The following ATP2B4 variants were observed in gnomAD, a reference collection of about 807,000 sequenced individuals.
The protein encoded by ATP2B4 is ATPase plasma membrane Ca2+ transporting 4, also known as plasma membrane calcium-transporting ATPase 4.
Under a neutral mutation model 110.3 loss-of-function variants are expected in ATP2B4, and 39 were observed. The ratio of observed to expected loss-of-function variants is 0.35; its 90% CI spans 0.27 to 0.46. ATP2B4 has a LOEUF of 0.46. Ranked by LOEUF, ATP2B4 falls within the 20% of genes least tolerant of loss-of-function variation. The pLI is 1.00. For synonymous variants in ATP2B4, 538 were observed against 571.7 expected (o/e 0.94, Z 0.84); for missense variants, 1,135 against 1,530.9 (o/e 0.74, Z 4.32).
chr1:203,726,071 CAAAAAAA>C lies in ATP2B4; in HGVS notation c.3133-1312_3133-1306del, dbSNP rs58722256. 2.1e-3 allele frequency among the ~76,000 whole-genome samples: 194 copies of C among 93,228 alleles called. 1 individual carries two copies. Among genetic ancestry groups the C allele is most frequent in the Admixed American group, 3.3e-3 (30 of 8,968 alleles). 61.2% of individuals were successfully genotyped at this position (93,228 alleles called of 152,430 possible). A position where few individuals can be genotyped will look rare whatever the true frequency, so the allele number is the denominator to read the frequency against. On this transcript the variant is annotated intron_variant, in intron 19 of 20. Transcript: ENST00000357681. Reference sequence around the variant, plus strand: ...TGAAACCCTGTCTCTACTAAAAATACAAAAAAAAAAAAAAAAAATTGGCCGGGCATGG... The same window carrying C: ...TGAAACCCTGTCTCTACTAAAAATACAAAAAAAAAAATTGGCCGGGCATGG...
Position 203,722,564 on chromosome 1 carries a change from T to G in ATP2B4, c.2899T>G (p.Phe967Val). Residue 967 changes from phenylalanine to valine, a missense_variant, in exon 18 of 21, where the codon TTC becomes GTC. This residue lies in a region of ATP2B4 where 155 missense variants were observed against 186.2 expected (regional missense o/e 0.83). Transcript: ENST00000357681. ...SQHYTIVFNT[F>V]VLMQLFNEIN... ...GCACTATACCATTGTTTTTAACACC[T>G]TCGTGCTGATGCAGCTCTTCAATGA... The G allele has an allele frequency of 6.2e-7, 1 of 1,614,202 alleles. No homozygotes were observed.
intron 1 of ATP2B4, among the ~76,000 whole-genome samples, chr1:203,663,493 G>A (rs1057346603): frequency 2.0e-5 from 3 of 152,100 alleles, no homozygotes; most frequent in Non-Finnish European, 2.9e-5. Flanking sequence ...CCTCTGAGAG[G>A]AAGTAGGAGA....
chr1:203,635,038 A>C (rs1193840562), intron 1 of ATP2B4, among the ~76,000 whole-genome samples: 1 of 151,946 alleles, frequency 6.6e-6, no homozygotes, highest in African/African-American at 2.4e-5. Flanking sequence ...GCAATGCTGC[A>C]AACTCAGCTC....
chr1:203,739,500 C>A (rs1666951650), intron 20 of ATP2B4, 46 bp from the exon 21 acceptor site: 2 of 1,566,680 alleles, frequency 1.3e-6, no homozygotes, highest in Admixed American at 1.8e-5. Flanking sequence ...CCGGCCAATT[C>A]TCACCTCTCT....
At chr1:203,630,227 AGGTCCCGAGAGGAACGG>A (rs1663221388) in intron 1 of ATP2B4, among the ~76,000 whole-genome samples, 2 of 152,202 alleles carry the variant, frequency 1.3e-5, no homozygotes, top group South Asian at 4.2e-4. Flanking sequence ...CACTAACCGG[AGGTCCCGAGAGGAACGG>A]GGTCTGGGCT....
chr1:203,738,964 A>T (rs1666939538), intron 20 of ATP2B4, among the ~76,000 whole-genome samples: 1 of 152,198 alleles, frequency 6.6e-6, no homozygotes, highest in Admixed American at 6.5e-5. Context: ...ACACAAATGA[A>T]GATTGGTTTG....
chr1:203,676,608 A>G (rs1444899296), intron 1 of ATP2B4, among the ~76,000 whole-genome samples: 1 of 152,186 alleles, frequency 6.6e-6, no homozygotes, highest in African/African-American at 2.4e-5. Context: ...TGCACAGGAA[A>G]CAGCCCTGCT....
chr1:203,727,256 G>A, intron 19 of ATP2B4, 139 bp from the exon 20 acceptor site: 1 of 959,534 alleles, frequency 1.0e-6, no homozygotes, highest in East Asian at 2.6e-5. Flanking sequence ...ATGGATTGGT[G>A]CTTCTGCCCA....
At chr1:203,710,850 CCG>C in intron 11 of ATP2B4, 25 bp from the exon 12 acceptor site, 3 of 1,539,428 alleles carry the variant, frequency 1.9e-6, no homozygotes, top group Non-Finnish European at 2.7e-6. Flanking sequence ...AAGGGAGACA[CCG>C]CGTTCTTACT....
chr1:203,710,150 G>A (rs563921993), intron 11 of ATP2B4, among the ~76,000 whole-genome samples: 4 of 152,108 alleles, frequency 2.6e-5, no homozygotes, highest in African/African-American at 7.2e-5. Flanking sequence ...GGCAGAACAC[G>A]AGGTCAGGAG....
chr1:203,723,890 G>A lies in ATP2B4; in HGVS notation c.3034G>A (p.Val1012Met), dbSNP rs761974690. ...LGTFICQIFI[V>M]EFGGKPFSCT... ...CCTTTCTCTGTTCTAGATTTTCATC[G>A]TGGAATTTGGGGGTAAACCCTTCAG... Residue 1012 changes from valine (V) to methionine (M), a missense_variant, in exon 19 of 21, where the codon GTG becomes ATG. Physicochemically the swap from Val to Met is conservative, Grantham distance 21. Around this residue, in one of 9 missense-constraint regions of ATP2B4, gnomAD observed 155 missense variants for 186.2 expected, o/e 0.83. Coordinates refer to ENST00000357681, the MANE Select transcript of ATP2B4 (RefSeq NM_001684.5). The A allele has an allele frequency of 9.3e-6, 15 of 1,604,484 alleles. No individual in the cohort carries two copies. Among genetic ancestry groups the A allele is most frequent in the South Asian group, 3.4e-5 (3 of 89,368 alleles).
At chr1:203,677,629 A>G (rs1243066678) in intron 1 of ATP2B4, among the ~76,000 whole-genome samples, 7 of 151,816 alleles carry the variant, frequency 4.6e-5, no homozygotes, top group East Asian at 1.9e-4. Flanking sequence ...TGCCCAGCTA[A>G]TTTTTTCTGT....
In ATP2B4 at chr1:203,710,925, T is replaced by C. The variant is rs764269670; in HGVS notation, c.1848T>C (p.Asn616=). 1 of 1,614,038 alleles carries C rather than the reference T, an allele frequency of 6.2e-7. No homozygotes were observed. The highest frequency in any genetic ancestry group is 8.5e-7 in the Non-Finnish European group (1 of 1,179,988). Residue 616 remains asparagine (N), a synonymous_variant, in exon 12 of 21, where the codon AAT becomes AAC. Coordinates refer to ENST00000357681, the MANE Select transcript of ATP2B4 (RefSeq NM_001684.5). The part of the protein sequence containing the change: ...DRKGEAVPFK[N]KDRDDMVRTV... Reference sequence around the variant, plus strand: ...AAGGGGAAGCAGTGCCATTCAAGAATAAAGACAGAGATGATATGGTACGCA... The same window carrying C: ...AAGGGGAAGCAGTGCCATTCAAGAACAAAGACAGAGATGATATGGTACGCA...
chr1:203,635,728 T>TG (rs1402084849), intron 1 of ATP2B4, among the ~76,000 whole-genome samples: 2 of 152,104 alleles, frequency 1.3e-5, no homozygotes, highest in Non-Finnish European at 2.9e-5. Flanking sequence ...AGGTTTGAAA[T>TG]TTTTCCAAAT....
Position 203,711,040 on chromosome 1 carries a change from G to A in ATP2B4, c.1963G>A (p.Glu655Lys). The stretch of plus-strand genomic sequence containing the variant: ...TGACACAGAGCCCTCTTGGGACAAT[G>A]AGAATGAGATCCTCACCGAACTGAC... Reference protein sequence around the residue: ...FDDTEPSWDNENEILTELTCI... With the variant: ...FDDTEPSWDNKNEILTELTCI... Residue 655 changes from glutamate to lysine, a missense_variant, in exon 12 of 21, where the codon GAG (glutamate) becomes AAG (lysine). Glu to Lys is a moderately conservative substitution (Grantham distance 56). Around this residue, in one of 9 missense-constraint regions of ATP2B4, gnomAD observed 368 missense variants for 455.9 expected, o/e 0.81. Coordinates refer to ENST00000357681, the MANE Select transcript of ATP2B4 (RefSeq NM_001684.5). The A allele has an allele frequency of 6.2e-7, 1 of 1,614,142 alleles. No individual in the cohort carries two copies. The highest frequency in any genetic ancestry group is 8.5e-7 in the Non-Finnish European group (1 of 1,180,022).
At chr1:203,712,181 G>T in intron 13 of ATP2B4, 42 bp downstream of exon 13, 1 of 1,597,668 alleles carries the variant, frequency 6.3e-7, no homozygotes, top group Non-Finnish European at 8.5e-7. Flanking sequence ...ACCTGACAAG[G>T]AAAAGGCGGG....
At chr1:203,650,841 C>A (rs1663967547) in intron 1 of ATP2B4, among the ~76,000 whole-genome samples, 1 of 152,236 alleles carries the variant, frequency 6.6e-6, no homozygotes, top group African/African-American at 2.4e-5. Flanking sequence ...CCCCTTCCTC[C>A]CTCTACCACC....
intron 1 of ATP2B4, chr1:203,657,675 C>T (rs1172415130): frequency 5.2e-6 from 4 of 774,304 alleles, no homozygotes; most frequent in African/African-American, 1.7e-5. Flanking sequence ...AGCCTCTCAG[C>T]TTTCCTTCTT....
intron 1 of ATP2B4, among the ~76,000 whole-genome samples, chr1:203,648,671 C>G (rs1663886193): frequency 6.6e-6 from 1 of 152,228 alleles, no homozygotes; most frequent in South Asian, 2.1e-4. Flanking sequence ...GCTGGTACCA[C>G]CTTTTGCCAT....
Sources: allele counts gnomAD v4.1 joint callset (sites outside exome capture counted in the v4.1 genomes callset), GRCh38; gene constraint gnomAD v4.1.1; regional missense constraint gnomAD v4.1.1; transcripts MANE v1.5; gene names NCBI Gene and HGNC (gene_info 2026-07-23, HGNC 2026-07-21).